PDE3A: variants seen among roughly 807,000 people sequenced by gnomAD.
The protein encoded by PDE3A is phosphodiesterase 3A.
In PDE3A, 43 loss-of-function variants were observed where a neutral mutation model predicts 98.3. That is an observed-to-expected ratio of 0.44 (90% CI 0.34 to 0.56). The LOEUF (loss-of-function observed/expected upper bound fraction) is 0.56, where lower values mean the gene tolerates loss of function less well. Among genes scored for constraint, PDE3A ranks in the 20% least tolerant of loss-of-function variants. The probability of loss-of-function intolerance (pLI) is 0.01; values close to 1 mark genes in which losing one functional copy is unlikely to be tolerated. For synonymous variants in PDE3A, 663 were observed against 567.9 expected (o/e 1.17, Z -2.38); for missense variants, 1,427 against 1,440.7 (o/e 0.99, Z 0.15).
rs1198290963 is a variant in PDE3A, at chr12:20,368,691, G to C, written c.-594G>C. Among the ~76,000 whole-genome samples, 1 of 151,868 alleles carries C rather than the reference G, an allele frequency of 6.6e-6. No individual in the cohort carries two copies. The highest frequency in any genetic ancestry group is 6.6e-5 in the Admixed American group (1 of 15,260). ...TCTGCCCCAGGGAATGGCGATTCGC[G>C]TCCTGGGGCCGTGCCGGGGAGAATC... On this transcript the variant is annotated 5_prime_UTR_variant, in exon 1 of 16. Coordinates refer to ENST00000359062, the MANE Select transcript of PDE3A (RefSeq NM_000921.5).
chr12:20,481,877 G>T (rs1284625065), intron 1 of PDE3A, among the ~76,000 whole-genome samples: 1 of 142,132 alleles, frequency 7.0e-6, no homozygotes, highest in East Asian at 2.2e-4. Flanking sequence ...CCGCTTTCCT[G>T]CCTCAGCCTC....
chr12:20,534,089 C>T (rs1941691873), intron 1 of PDE3A, among the ~76,000 whole-genome samples: 2 of 152,174 alleles, frequency 1.3e-5, no homozygotes, highest in Non-Finnish European at 2.9e-5. Context: ...AAACCCTCTT[C>T]AACCTTCAAG....
At chr12:20,667,876 C>A (rs185925295) in intron 15 of PDE3A, among the ~76,000 whole-genome samples, 273 of 152,288 alleles carry the variant, frequency 1.8e-3, no homozygotes, top group Non-Finnish European at 2.9e-3. Flanking sequence ...CAGCTCCGGT[C>A]TACAGCTCCC....
chr12:20,408,269 C>G (rs1029844287), intron 1 of PDE3A, among the ~76,000 whole-genome samples: 3 of 152,182 alleles, frequency 2.0e-5, no homozygotes, highest in South Asian at 4.2e-4. Context: ...TGTATTATAA[C>G]TAATATTTTA....
intron 1 of PDE3A, chr12:20,371,538 G>A: frequency 1.3e-6 from 1 of 789,854 alleles, no homozygotes; most frequent in South Asian, 5.7e-5. Flanking sequence ...AGAAATAGCA[G>A]TCACCATATG....
chr12:20,389,315 A>AT (rs1943870650), intron 1 of PDE3A, among the ~76,000 whole-genome samples: 2 of 151,796 alleles, frequency 1.3e-5, no homozygotes, highest in Admixed American at 1.3e-4. Flanking sequence ...CAGAGATGCA[A>AT]TTTTTCCATA....
chr12:20,369,248 G>A lies in PDE3A; in HGVS notation c.-37G>A. The A allele has an allele frequency of 6.9e-7, 1 of 1,440,890 alleles. No individual in the cohort carries two copies. The highest frequency in any genetic ancestry group is 9.2e-7 in the Non-Finnish European group (1 of 1,083,824). The allele number at this position is 1,440,890 out of a possible 1,614,324, so 89.3% of individuals were successfully genotyped here. A position where few individuals can be genotyped will look rare whatever the true frequency, so the allele number is the denominator to read the frequency against. ...GTGGGTCGGGGCGGGGGCGTCGGGGGGCCACTGGGAATTCAGTGAAGAGGG... is the reference window on the plus strand; with the variant it reads ...GTGGGTCGGGGCGGGGGCGTCGGGGAGCCACTGGGAATTCAGTGAAGAGGG... On this transcript the variant is annotated 5_prime_UTR_variant, in exon 1 of 16. Coordinates refer to ENST00000359062, the MANE Select transcript of PDE3A (RefSeq NM_000921.5).
intron 15 of PDE3A, among the ~76,000 whole-genome samples, chr12:20,669,977 G>A (rs1485138585): frequency 1.3e-5 from 2 of 151,792 alleles, no homozygotes; most frequent in Middle Eastern, 3.2e-3. Context: ...GACACACATA[G>A]GCTCAAAATA....
intron 1 of PDE3A, among the ~76,000 whole-genome samples, chr12:20,475,067 T>C (rs1181322098): frequency 6.6e-6 from 1 of 152,068 alleles, no homozygotes; most frequent in Admixed American, 6.6e-5. Flanking sequence ...AGGTCACTGT[T>C]GATCAAAAAT....
intron 1 of PDE3A, among the ~76,000 whole-genome samples, chr12:20,472,691 A>G (rs544421462): frequency 2.2e-4 from 33 of 152,196 alleles, no homozygotes; most frequent in South Asian, 4.1e-4. Context: ...AACAGTTTAA[A>G]TCATATCAGG....
intron 2 of PDE3A, among the ~76,000 whole-genome samples, chr12:20,566,638 G>T (rs570364007): frequency 2.1e-4 from 32 of 151,960 alleles, no homozygotes; most frequent in African/African-American, 6.5e-4. Context: ...AGCGCAAACA[G>T]ATATAAAAGC....
At chr12:20,561,821 C>G (rs921126606) in intron 2 of PDE3A, among the ~76,000 whole-genome samples, 2 of 152,196 alleles carry the variant, frequency 1.3e-5, no homozygotes, top group African/African-American at 4.8e-5. Flanking sequence ...ATACCTATCT[C>G]TCTTCTAGCA....
chr12:20,382,337 C>T (rs916454766), intron 1 of PDE3A, among the ~76,000 whole-genome samples: 2 of 151,826 alleles, frequency 1.3e-5, no homozygotes, highest in Non-Finnish European at 2.9e-5. Flanking sequence ...TTTAAAAGTG[C>T]TTGGCTCAGA....
intron 1 of PDE3A, among the ~76,000 whole-genome samples, chr12:20,526,884 CTG>C (rs71039949): frequency 0.13 from 18,092 of 136,612 alleles, 1,220 homozygotes; most frequent in East Asian, 0.21. Context: ...ACATTTTTTT[CTG>C]TGTGTGTGTG....
intron 1 of PDE3A, among the ~76,000 whole-genome samples, chr12:20,453,191 T>TTTTTTA (rs1945097288): frequency 1.3e-5 from 2 of 150,584 alleles, no homozygotes; most frequent in Non-Finnish European, 3.0e-5. Flanking sequence ...TTTTTTTTTT[T>TTTTTTA]GAGACTGAGT....
At chr12:20,499,760 T>A (rs1202626732) in intron 1 of PDE3A, among the ~76,000 whole-genome samples, 2 of 152,146 alleles carry the variant, frequency 1.3e-5, no homozygotes, top group Non-Finnish European at 1.5e-5. Flanking sequence ...GTTTGGCCAA[T>A]GTATATAACC....
rs528281053 is a variant in PDE3A at position 20,548,446 on chromosome 12, T to C, written c.961-8214T>C. ...TTATAGATGGTGAGAGACAAACATT[T>C]TTTTTCTCCCTGAATTAAGTAGTTA... is the stretch of plus-strand genomic sequence containing the variant. On this transcript the variant is annotated intron_variant, in intron 1 of 15. Transcript: ENST00000359062. Among the ~76,000 whole-genome samples, 5 of 152,210 alleles carry C rather than the reference T, an allele frequency of 3.3e-5. No individual in the cohort carries two copies. In the South Asian group the frequency reaches 1.0e-3, roughly 32 times the overall value.
chr12:20,630,238 A>G (rs1592129667), intron 6 of PDE3A, 111 bp downstream of exon 6: 6 of 725,104 alleles, frequency 8.3e-6, no homozygotes, highest in Admixed American at 2.1e-5. Flanking sequence ...AAAGTATTAG[A>G]CAACCAAGTA....
intron 1 of PDE3A, among the ~76,000 whole-genome samples, chr12:20,512,988 AT>A (rs1207131445): frequency 5.3e-5 from 8 of 152,040 alleles, no homozygotes; most frequent in Non-Finnish European, 1.2e-4. Context: ...GAGTAAATGT[AT>A]TTTGTTCTTT....
Sources: allele counts gnomAD v4.1 joint callset (sites outside exome capture counted in the v4.1 genomes callset), GRCh38; gene constraint gnomAD v4.1.1; transcripts MANE v1.5; gene names NCBI Gene and HGNC (gene_info 2026-07-23, HGNC 2026-07-21).